Variants in DPP10 observed in about 807,000 individuals in gnomAD.
DPP10 encodes the protein inactive dipeptidyl peptidase 10.
Under a neutral mutation model 120.9 loss-of-function variants are expected in DPP10, and 33 were observed. The observed-to-expected ratio is 0.27, with a 90% CI of 0.21 to 0.37. The LOEUF is 0.37. Ranked by LOEUF, DPP10 falls within the 10% of genes least tolerant of loss-of-function variation. The pLI is 1.00. For synonymous variants in DPP10, 337 were observed against 326.1 expected, an observed-to-expected ratio of 1.03 and a Z score of -0.36; for missense variants, 816 against 942.8, an observed-to-expected ratio of 0.87 and a Z score of 1.76.
intron 12 of DPP10, among the ~76,000 whole-genome samples, chr2:115,764,324 A>G (rs1680465128): frequency 6.6e-6 from 1 of 152,142 alleles, no homozygotes; most frequent in African/African-American, 2.4e-5. Context: ...ATGGATAGAC[A>G]CAGATAAATG....
intron 8 of DPP10, among the ~76,000 whole-genome samples, chr2:115,737,089 T>A (rs1212808442): frequency 6.6e-6 from 1 of 152,124 alleles, no homozygotes; most frequent in Non-Finnish European, 1.5e-5. Flanking sequence ...CAGATTCTAG[T>A]ATGGAGCCTA....
intron 1 of DPP10, among the ~76,000 whole-genome samples, chr2:115,278,560 C>A (rs189947907): frequency 1.3e-5 from 2 of 152,134 alleles, no homozygotes. Flanking sequence ...TGCTTGGCTT[C>A]TGGTGAGGGC....
At chr2:115,336,712 T>A (rs1056223998) in intron 2 of DPP10, among the ~76,000 whole-genome samples, 1 of 151,886 alleles carries the variant, frequency 6.6e-6, no homozygotes, top group Non-Finnish European at 1.5e-5. Context: ...TATTAAATTT[T>A]AGCAATATTT....
At chr2:115,755,503 C>A (rs901007672) in intron 11 of DPP10, among the ~76,000 whole-genome samples, 41 of 152,106 alleles carry the variant, frequency 2.7e-4, no homozygotes, top group Admixed American at 6.6e-4. Context: ...TCACCATATA[C>A]AAAATTCAAC....
intron 1 of DPP10, among the ~76,000 whole-genome samples, chr2:114,843,186 C>T (rs963599798): frequency 6.6e-6 from 1 of 151,942 alleles, no homozygotes; most frequent in South Asian, 2.1e-4. Flanking sequence ...AGAAATGAAC[C>T]GAAAAATAAT....
chr2:115,574,072 T>C (rs890057914), intron 5 of DPP10, among the ~76,000 whole-genome samples: 1 of 152,106 alleles, frequency 6.6e-6, no homozygotes, highest in Admixed American at 6.5e-5. Flanking sequence ...CTGCCATCCA[T>C]TCATCCATGT....
chr2:115,630,913 T>A lies in DPP10; in HGVS notation c.442-58774T>A, dbSNP rs563732734. Among the ~76,000 whole-genome samples, 3 of 152,258 alleles carry A rather than the reference T, an allele frequency of 2.0e-5. No individual in the cohort carries two copies. In the South Asian group the frequency reaches 6.2e-4, roughly 32 times the overall value. ...GTTTTGGTATCAGGATGATGCTGGCTGCATAAGATGAATTAAAGAGAAGTC... is the reference window on the plus strand; with the variant it reads ...GTTTTGGTATCAGGATGATGCTGGCAGCATAAGATGAATTAAAGAGAAGTC... On this transcript the variant is annotated intron_variant, in intron 5 of 25. Transcript: ENST00000410059.
At chr2:115,386,850 A>G (rs756057508) in intron 3 of DPP10, among the ~76,000 whole-genome samples, 1 of 152,028 alleles carries the variant, frequency 6.6e-6, no homozygotes, top group African/African-American at 2.4e-5. Context: ...TCATGCTGCA[A>G]TATGTTTATA....
Position 114,771,920 on chromosome 2 carries a change from C to T in DPP10, c.60+329082C>T, listed in dbSNP as rs571075178. 1.1e-4 allele frequency among the ~76,000 whole-genome samples: 17 copies of T among 152,096 alleles called. No homozygotes were observed. In the South Asian group the frequency reaches 3.3e-3, roughly 30 times the overall value. ...AGATTACGTCTTGAAACACCCTTTA[C>T]TCTCAGGCCAGTATGGTACGGTCAG... On this transcript the variant is annotated intron_variant, in intron 1 of 25. Coordinates refer to ENST00000410059, the MANE Select transcript of DPP10 (RefSeq NM_020868.6).
rs185428397 is a variant in DPP10 at position 114,883,128 on chromosome 2, A to G, written c.61-426111A>G. Among the ~76,000 whole-genome samples the G allele has an allele frequency of 1.7e-3, 252 of 152,354 alleles. 1 individual carries two copies. The highest frequency in any genetic ancestry group is 5.8e-3 in the African/African-American group (240 of 41,584). ...AAGATTTGGGATTAAGACCAAGCAT[A>G]TCAGTTCCTGGCCAAGTGTATGTTT... is the stretch of plus-strand genomic sequence containing the variant. On this transcript the variant is annotated intron_variant, in intron 1 of 25. Transcript: ENST00000410059.
At chr2:115,774,136 A>G (rs1681803595) in intron 13 of DPP10, among the ~76,000 whole-genome samples, 1 of 151,896 alleles carries the variant, frequency 6.6e-6, no homozygotes, top group Non-Finnish European at 1.5e-5. Flanking sequence ...CTGTGTTCAA[A>G]CATTTTTCAA....
intron 1 of DPP10, among the ~76,000 whole-genome samples, chr2:115,303,240 A>T (rs893525784): frequency 2.0e-5 from 3 of 151,986 alleles, no homozygotes; most frequent in African/African-American, 7.2e-5. Flanking sequence ...TCAATATGTT[A>T]TAAAATATTT....
At chr2:114,907,016 A>G (rs1209095811) in intron 1 of DPP10, among the ~76,000 whole-genome samples, 1 of 152,054 alleles carries the variant, frequency 6.6e-6, no homozygotes, top group African/African-American at 2.4e-5. Context: ...ATTTGTTTCA[A>G]TCCATTCAGA....
intron 1 of DPP10, among the ~76,000 whole-genome samples, chr2:114,969,174 C>T (rs901603318): frequency 5.9e-5 from 9 of 152,144 alleles, no homozygotes; most frequent in Admixed American, 2.6e-4. Context: ...ACACTTCTGG[C>T]TGATGTCATA....
chr2:115,393,333 G>C (rs1023153735), intron 3 of DPP10, among the ~76,000 whole-genome samples: 2 of 151,808 alleles, frequency 1.3e-5, no homozygotes, highest in African/African-American at 4.8e-5. Context: ...AAATCTATAT[G>C]TGAATAGATA....
chr2:115,624,902 A>G (rs1365936311), intron 5 of DPP10, among the ~76,000 whole-genome samples: 1 of 152,182 alleles, frequency 6.6e-6, no homozygotes, highest in Non-Finnish European at 1.5e-5. Flanking sequence ...GATCATAAGG[A>G]AAAAAGTGGA....
chr2:114,928,821 G>T (rs1695835647), intron 1 of DPP10, among the ~76,000 whole-genome samples: 1 of 152,180 alleles, frequency 6.6e-6, no homozygotes, highest in Non-Finnish European at 1.5e-5. Context: ...TACAGACATA[G>T]CACGAGGTGT....
At chr2:115,069,119 G>A (rs917602747) in intron 1 of DPP10, among the ~76,000 whole-genome samples, 2 of 151,956 alleles carry the variant, frequency 1.3e-5, no homozygotes, top group African/African-American at 4.8e-5. Context: ...TATGGGGCTT[G>A]CATTGATTCT....
intron 1 of DPP10, among the ~76,000 whole-genome samples, chr2:114,643,512 C>T (rs1351748212): frequency 1.3e-5 from 2 of 151,902 alleles, no homozygotes; most frequent in Non-Finnish European, 2.9e-5. Context: ...TGAGCTCATA[C>T]TTTGTCTTCT....
Sources: gnomAD v4.1 joint callset for allele counts (sites outside exome capture counted in the v4.1 genomes callset) on GRCh38, gnomAD v4.1.1 for gene constraint, MANE v1.5 for transcripts, NCBI Gene and HGNC (gene_info 2026-07-23, HGNC 2026-07-21) for gene names.